The following EYA1 variants were observed in gnomAD, a reference collection of about 807,000 sequenced individuals.
EYA1 encodes protein phosphatase EYA1.
In EYA1, 16 loss-of-function variants were observed where a neutral mutation model predicts 82.0. That is an observed-to-expected ratio of 0.20 (90% CI 0.13 to 0.30). The LOEUF (loss-of-function observed/expected upper bound fraction) is 0.30. Ranked by LOEUF, EYA1 falls within the 10% of genes least tolerant of loss-of-function variation. The pLI, the probability that EYA1 is intolerant of heterozygous loss-of-function variation, is 1.00. For missense variants in EYA1, 633 were observed against 730.7 expected (o/e 0.87, Z 1.54); for synonymous variants, 261 against 264.4 (o/e 0.99, Z 0.12).
intron 11 of EYA1, among the ~76,000 whole-genome samples, chr8:71,267,047 T>C (rs945535592): frequency 2.6e-5 from 4 of 152,194 alleles, no homozygotes; most frequent in African/African-American, 7.2e-5. Context: ...AACCTCCAAT[T>C]TGGACCCCCA....
intron 1 of EYA1, chr8:71,356,864 C>T (rs1293812051): frequency 1.0e-5 from 3 of 299,796 alleles, no homozygotes; most frequent in African/African-American, 4.5e-5. Flanking sequence ...AAAAAAATAG[C>T]GAATGACAAA....
intron 7 of EYA1, among the ~76,000 whole-genome samples, chr8:71,311,856 A>G (rs371903373): frequency 6.6e-6 from 1 of 152,254 alleles, no homozygotes; most frequent in Admixed American, 6.5e-5. Context: ...TTTTAGTATT[A>G]GAGCATGCAC....
intron 12 of EYA1, among the ~76,000 whole-genome samples, chr8:71,226,497 T>C (rs1046844109): frequency 6.6e-6 from 1 of 151,680 alleles, no homozygotes; most frequent in African/African-American, 2.4e-5. Context: ...TATATTTGTC[T>C]TTATTCACAC....
intron 1 of EYA1, chr8:71,356,725 G>A (rs989193128): frequency 1.6e-6 from 2 of 1,216,380 alleles, no homozygotes; most frequent in Non-Finnish European, 2.0e-6. Context: ...CCCCTTGTCA[G>A]GGGGGGAAGG....
intron 12 of EYA1, among the ~76,000 whole-genome samples, chr8:71,237,954 T>C (rs1021510169): frequency 2.0e-5 from 3 of 152,196 alleles, no homozygotes; most frequent in Admixed American, 6.5e-5. Flanking sequence ...GAAATGTTTA[T>C]TGTTATAAAT....
At chr8:71,540,917 G>A (rs968335712) in intron 1 of EYA1, among the ~76,000 whole-genome samples, 1 of 152,154 alleles carries the variant, frequency 6.6e-6, no homozygotes, top group African/African-American at 2.4e-5. Flanking sequence ...GACTACAACT[G>A]CAGATTGAAT....
At chr8:71,321,630 A>G in intron 6 of EYA1, 104 bp downstream of exon 6, 1 of 1,399,418 alleles carries the variant, frequency 7.1e-7, no homozygotes, top group South Asian at 1.4e-5. Context: ...AGGTGACAAC[A>G]CGTTCTAAAT....
intron 2 of EYA1, among the ~76,000 whole-genome samples, chr8:71,472,811 A>ATATATATATATATATATC (rs988307541): frequency 6.8e-6 from 1 of 147,818 alleles, no homozygotes; most frequent in East Asian, 2.0e-4. Flanking sequence ...ATATATATAT[A>ATATATATATATATATATC]TATCTGTCAG....
chr8:71,428,249 G>A (rs1056276812), intron 2 of EYA1, among the ~76,000 whole-genome samples: 1 of 152,102 alleles, frequency 6.6e-6, no homozygotes, highest in African/African-American at 2.4e-5. Flanking sequence ...TTTTGGGGGA[G>A]GAGAGCATTA....
At chr8:71,500,181 C>T (rs1811713072) in intron 2 of EYA1, among the ~76,000 whole-genome samples, 1 of 152,130 alleles carries the variant, frequency 6.6e-6, no homozygotes, top group Non-Finnish European at 1.5e-5. Context: ...TGTATGAAAA[C>T]ATTAGCATAT....
chr8:71,386,317 T>C (rs1302834656), intron 2 of EYA1, among the ~76,000 whole-genome samples: 1 of 152,098 alleles, frequency 6.6e-6, no homozygotes, highest in Non-Finnish European at 1.5e-5. Context: ...TAGGGCAAAA[T>C]GCACTCATGA....
At chr8:71,428,221 A>C (rs1563604719) in intron 2 of EYA1, among the ~76,000 whole-genome samples, 1 of 152,182 alleles carries the variant, frequency 6.6e-6, no homozygotes, top group Non-Finnish European at 1.5e-5. Context: ...GTTATGAAGA[A>C]GTATGGATAA....
chr8:71,451,677 T>C (rs1469982318), intron 2 of EYA1, among the ~76,000 whole-genome samples: 1 of 152,208 alleles, frequency 6.6e-6, no homozygotes, highest in Non-Finnish European at 1.5e-5. Context: ...AACCTATCAG[T>C]TGGTGAAATG....
chr8:71,299,936 A>G (rs1027103506), intron 7 of EYA1, among the ~76,000 whole-genome samples: 10 of 152,228 alleles, frequency 6.6e-5, no homozygotes, highest in Non-Finnish European at 1.3e-4. Context: ...CAAGGATGTT[A>G]GTAACTTATA....
intron 3 of EYA1, among the ~76,000 whole-genome samples, chr8:71,350,512 T>A (rs1826197031): frequency 6.6e-6 from 1 of 152,192 alleles, no homozygotes; most frequent in Non-Finnish European, 1.5e-5. Flanking sequence ...TGTTCCCACC[T>A]TGGAAATCTG....
At position 71,317,195 on chromosome 8, in the gene EYA1, G is replaced by GT. The variant is rs1461583198; in HGVS notation, c.556+356dup. ...AAAGTTGGATGGTAATACCAAGTGCGTAAGTTTTTAGTACATGCCATATCA... is the reference window on the plus strand; with the variant it reads ...AAAGTTGGATGGTAATACCAAGTGCGTTAAGTTTTTAGTACATGCCATATCA... On this transcript the variant is annotated intron_variant, in intron 7 of 17. Coordinates refer to ENST00000340726, the MANE Select transcript of EYA1 (RefSeq NM_000503.6). 2.0e-5 allele frequency among the ~76,000 whole-genome samples: 3 copies of GT among 152,144 alleles called. No homozygotes were observed. In the East Asian group the frequency reaches 5.8e-4, roughly 29 times the overall value.
At chr8:71,331,059 T>C (rs904939258) in intron 4 of EYA1, among the ~76,000 whole-genome samples, 1 of 151,866 alleles carries the variant, frequency 6.6e-6, no homozygotes, top group African/African-American at 2.4e-5. Context: ...TGAAACCCCA[T>C]CTCTACTAAA....
intron 2 of EYA1, among the ~76,000 whole-genome samples, chr8:71,431,335 A>C (rs1024224128): frequency 6.6e-6 from 1 of 152,148 alleles, no homozygotes; most frequent in African/African-American, 2.4e-5. Context: ...TCTGTTTTTT[A>C]AAATGTTTCT....
chr8:71,208,701 A>G (rs1266111560), intron 17 of EYA1, among the ~76,000 whole-genome samples: 3 of 151,000 alleles, frequency 2.0e-5, no homozygotes, highest in Non-Finnish European at 4.4e-5. Context: ...CACATTGTGC[A>G]CATGTACCCT....
Sources: gnomAD v4.1 joint callset for allele counts (sites outside exome capture counted in the v4.1 genomes callset) on GRCh38, gnomAD v4.1.1 for gene constraint, MANE v1.5 for transcripts, NCBI Gene and HGNC (gene_info 2026-07-23, HGNC 2026-07-21) for gene names.